CAMTA1: variants seen among roughly 807,000 people sequenced by gnomAD.
The protein encoded by CAMTA1 is calmodulin binding transcription activator 1.
CAMTA1 carries 27 observed loss-of-function variants against 170.9 expected under a neutral mutation model. That is an observed-to-expected ratio of 0.16 (90% confidence interval 0.12 to 0.22). CAMTA1 has a LOEUF of 0.22. CAMTA1 is among the 10% of genes least tolerant of loss of function. CAMTA1 has a pLI of 1.00. For missense variants in CAMTA1, 1,619 were observed against 2,217.2 expected (o/e 0.73, Z 5.42); for synonymous variants, 833 against 891.5 (o/e 0.93, Z 1.17).
chr1:7,103,032 A>G (rs543128732), intron 4 of CAMTA1, among the ~76,000 whole-genome samples: 40 of 152,108 alleles, frequency 2.6e-4, no homozygotes, highest in African/African-American at 8.9e-4. Flanking sequence ...GGGGAGTGCT[A>G]CAAGGGTCAA....
At chr1:7,298,417 GGC>G (rs1292866213) in intron 5 of CAMTA1, among the ~76,000 whole-genome samples, 1 of 152,082 alleles carries the variant, frequency 6.6e-6, no homozygotes, top group Admixed American at 6.5e-5. Context: ...CTACTCTGAG[GGC>G]CAGTGAGTAT....
At chr1:7,753,117 A>G (rs1312599876) in intron 21 of CAMTA1, among the ~76,000 whole-genome samples, 2 of 152,238 alleles carry the variant, frequency 1.3e-5, no homozygotes, top group Admixed American at 6.5e-5. Context: ...AAAGAAAGAC[A>G]TCTGAGACTC....
chr1:6,894,591 G>A (rs891533907), intron 3 of CAMTA1, among the ~76,000 whole-genome samples: 8 of 152,264 alleles, frequency 5.3e-5, no homozygotes, highest in Middle Eastern at 6.8e-3. Context: ...CTGATTTGAC[G>A]GCTTCTTTCT....
At chr1:6,836,369 G>T (rs1046852311) in intron 3 of CAMTA1, among the ~76,000 whole-genome samples, 4 of 152,176 alleles carry the variant, frequency 2.6e-5, no homozygotes, top group Non-Finnish European at 5.9e-5. Context: ...CTGTAAGGAA[G>T]AATATTCTCT....
At chr1:7,247,868 A>G (rs980958945) in intron 4 of CAMTA1, among the ~76,000 whole-genome samples, 2 of 152,200 alleles carry the variant, frequency 1.3e-5, no homozygotes, top group Non-Finnish European at 2.9e-5. Flanking sequence ...AAGGTTTCCA[A>G]TGCAGACTTG....
intron 5 of CAMTA1, among the ~76,000 whole-genome samples, chr1:7,414,372 T>C (rs1339823198): frequency 2.0e-5 from 3 of 152,198 alleles, no homozygotes; most frequent in Non-Finnish European, 4.4e-5. Context: ...AATTCGGCTG[T>C]GAATCCATCT....
intron 4 of CAMTA1, among the ~76,000 whole-genome samples, chr1:7,128,586 C>T (rs1347039573): frequency 1.3e-5 from 2 of 151,998 alleles, no homozygotes; most frequent in East Asian, 1.9e-4. Flanking sequence ...GGCCTTTTAG[C>T]CATGGTAAGG....
intron 4 of CAMTA1, among the ~76,000 whole-genome samples, chr1:7,149,331 C>T (rs1269227576): frequency 2.0e-5 from 3 of 152,220 alleles, no homozygotes; most frequent in South Asian, 2.1e-4. Flanking sequence ...CCGTGGTTCA[C>T]GGAAGGTTCT....
intron 5 of CAMTA1, among the ~76,000 whole-genome samples, chr1:7,275,828 G>T (rs1455419869): frequency 6.6e-6 from 1 of 152,036 alleles, no homozygotes; most frequent in Non-Finnish European, 1.5e-5. Context: ...TTTAAGGCAA[G>T]AATAATGTTA....
At chr1:7,731,583 AAAAAG>A (rs1448138349) in intron 11 of CAMTA1, among the ~76,000 whole-genome samples, 2 of 151,824 alleles carry the variant, frequency 1.3e-5, no homozygotes, top group South Asian at 2.1e-4. Context: ...AAAAAAAAAA[AAAAAG>A]AAAAGAAAGA....
chr1:7,298,767 G>T (rs1158045819), intron 5 of CAMTA1, among the ~76,000 whole-genome samples: 1 of 152,124 alleles, frequency 6.6e-6, no homozygotes, highest in African/African-American at 2.4e-5. Context: ...AGCTCTCCCA[G>T]TTCCTTATCC....
chr1:7,117,120 G>A (rs1301094850), intron 4 of CAMTA1, among the ~76,000 whole-genome samples: 4 of 151,714 alleles, frequency 2.6e-5, no homozygotes, highest in East Asian at 1.9e-4. Flanking sequence ...ACAGGCGCCC[G>A]CCACCATACC....
chr1:6,808,955 A>G (rs986309209), intron 1 of CAMTA1, among the ~76,000 whole-genome samples: 1 of 151,946 alleles, frequency 6.6e-6, no homozygotes, highest in African/African-American at 2.4e-5. Flanking sequence ...CCAGACTGAG[A>G]TAGGGAAGAC....
chr1:6,855,090 T>C (rs1661780109), intron 3 of CAMTA1, among the ~76,000 whole-genome samples: 1 of 152,134 alleles, frequency 6.6e-6, no homozygotes, highest in Non-Finnish European at 1.5e-5. Context: ...TGATTGTATA[T>C]GTAGAAAATT....
chr1:7,435,063 A>G lies in CAMTA1; in HGVS notation c.439-32767A>G, dbSNP rs2092305093. On this transcript the variant is annotated intron_variant, in intron 5 of 22. Coordinates refer to ENST00000303635, the MANE Select transcript of CAMTA1 (RefSeq NM_015215.4). The surrounding 1 kb of genome is among the most constrained non-coding windows in gnomAD (Gnocchi z 4.4). ...AAACCCTGTCTCAAAACAAGAAAAA[A>G]GAAAAAAAAGAAGGCAGAGGGCATG... 6.6e-6 allele frequency among the ~76,000 whole-genome samples: 1 copy of G among 152,112 alleles called. No individual in the cohort carries two copies. Among genetic ancestry groups the G allele is most frequent in the Admixed American group, 6.5e-5 (1 of 15,270 alleles).
At chr1:7,313,929 G>A (rs1677114524) in intron 5 of CAMTA1, among the ~76,000 whole-genome samples, 1 of 152,132 alleles carries the variant, frequency 6.6e-6, no homozygotes, top group Non-Finnish European at 1.5e-5. Flanking sequence ...GCTCTCAGAG[G>A]CACAGAAGGG....
At chr1:6,973,026 A>G in intron 3 of CAMTA1, among the ~76,000 whole-genome samples, 1 of 151,732 alleles carries the variant, frequency 6.6e-6, no homozygotes, top group African/African-American at 2.4e-5. Flanking sequence ...TAATTTTTGT[A>G]TTTTTAGTAG....
intron 3 of CAMTA1, among the ~76,000 whole-genome samples, chr1:6,936,936 C>T (rs1035273325): frequency 6.6e-6 from 1 of 151,806 alleles, no homozygotes; most frequent in Non-Finnish European, 1.5e-5. Flanking sequence ...TGCAGTGAGC[C>T]GAGATTACGC....
chr1:6,880,334 C>CA (rs1253339913), intron 3 of CAMTA1, among the ~76,000 whole-genome samples: 1 of 149,836 alleles, frequency 6.7e-6, no homozygotes, highest in African/African-American at 2.5e-5. Flanking sequence ...CTCAACCTCC[C>CA]AACGTGTGGG....
Sources: gnomAD v4.1 joint callset for allele counts (sites outside exome capture counted in the v4.1 genomes callset) on GRCh38, gnomAD v4.1.1 for gene constraint, Gnocchi (gnomAD v3.1) non-coding constraint, MANE v1.5 for transcripts, NCBI Gene and HGNC (gene_info 2026-07-23, HGNC 2026-07-21) for gene names.